The following BCAP29 variants were observed in gnomAD, a reference collection of about 807,000 sequenced individuals.
The protein encoded by BCAP29 is B-cell receptor-associated protein 29.
A neutral mutation model predicts 31.8 loss-of-function variants in BCAP29; 34 were observed. That is an observed-to-expected ratio of 1.07 (90% CI 0.81 to 1.42). BCAP29 has a LOEUF of 1.42. Ranked by LOEUF, BCAP29 falls within the 40% of genes most tolerant of loss-of-function variation. BCAP29 has a pLI of 0.00. For missense variants in BCAP29, 314 were observed against 269.2 expected, an observed-to-expected ratio of 1.17 and a Z score of -1.16; for synonymous variants, 104 against 91.3, an observed-to-expected ratio of 1.14 and a Z score of -0.79.
intron 3 of BCAP29, chr7:107,587,622 A>G (rs541080028): frequency 6.6e-6 from 1 of 152,308 alleles, no homozygotes; most frequent in East Asian, 1.9e-4. Context: ...GGAAATAGCC[A>G]TTAAGATACA....
downstream of BCAP29, chr7:107,621,492 T>C (rs566388326): frequency 2.1e-5 from 7 of 333,606 alleles, no homozygotes; most frequent in African/African-American, 1.3e-4. Context: ...CCAAAAGATA[T>C]CCCTATACCA....
At chr7:107,623,031 T>C (rs1284669047), downstream of BCAP29, 1 of 152,126 alleles carries the variant, frequency 6.6e-6, no homozygotes, top group African/African-American at 2.4e-5. Flanking sequence ...GTGGGGCCAG[T>C]TTCTTTTTTT....
chr7:107,584,169 A>C (rs1451916787), intron 3 of BCAP29, among the ~76,000 whole-genome samples, 187 bp downstream of exon 3: 2 of 152,230 alleles, frequency 1.3e-5, no homozygotes, highest in East Asian at 1.9e-4. Flanking sequence ...TTCAAGCTTA[A>C]GTTTCAACAG....
chr7:107,593,742 G>A (rs1452256928), intron 3 of BCAP29, among the ~76,000 whole-genome samples: 1 of 152,138 alleles, frequency 6.6e-6, no homozygotes, highest in African/African-American at 2.4e-5. Flanking sequence ...AAATGCTATA[G>A]TAATTCAAAA....
downstream of BCAP29, chr7:107,620,680 T>G (rs1259964649): frequency 6.6e-6 from 1 of 152,242 alleles, no homozygotes; most frequent in Non-Finnish European, 1.5e-5. Context: ...TAGCAAGTTC[T>G]GGATAAGCAC....
At chr7:107,597,078 G>A (rs10277303) in intron 5 of BCAP29, among the ~76,000 whole-genome samples, 18,113 of 152,142 alleles carry the variant, frequency 0.12, 2,807 homozygotes, top group African/African-American at 0.36. Context: ...CATAAAAGCA[G>A]CTGTCAGTGC....
chr7:107,618,118 A>G (rs1354137671), intron 7 of BCAP29, among the ~76,000 whole-genome samples: 1 of 152,196 alleles, frequency 6.6e-6, no homozygotes, highest in Admixed American at 6.5e-5. Context: ...GCAAGGGGAA[A>G]AATGAACTTA....
At chr7:107,616,721 A>G (rs1814223565) in intron 7 of BCAP29, among the ~76,000 whole-genome samples, 1 of 152,018 alleles carries the variant, frequency 6.6e-6, no homozygotes, top group South Asian at 2.1e-4. Context: ...TTTAGATATC[A>G]TTAAGAGCCC....
At position 107,608,387 on chromosome 7, in the gene BCAP29, T is replaced by C. The variant is rs182728191; in HGVS notation, c.590-4945T>C. ...TACTACTTTAGTTTATTGTTCAGGT[T>C]GTCCAGCTTTCACCATTGGGAGCTC... On this transcript the variant is annotated intron_variant, in intron 6 of 7. Transcript: ENST00000005259. Among the ~76,000 whole-genome samples the C allele has an allele frequency of 3.1e-3, 467 of 152,336 alleles. 3 individuals are homozygous for C. Among genetic ancestry groups the C allele is most frequent in the African/African-American group, 0.011 (439 of 41,564 alleles).
chr7:107,603,753 G>T (rs146138583), intron 6 of BCAP29, among the ~76,000 whole-genome samples: 1 of 151,542 alleles, frequency 6.6e-6, no homozygotes, highest in Non-Finnish European at 1.5e-5. Flanking sequence ...CTACATGTGT[G>T]CACCACCATG....
chr7:107,616,719 T>C (rs141420493), intron 7 of BCAP29, among the ~76,000 whole-genome samples: 33 of 152,170 alleles, frequency 2.2e-4, no homozygotes, highest in African/African-American at 7.9e-4. Flanking sequence ...GATTTAGATA[T>C]CATTAAGAGC....
chr7:107,595,325 T>G (rs1809618510), intron 4 of BCAP29, among the ~76,000 whole-genome samples: 1 of 152,240 alleles, frequency 6.6e-6, no homozygotes, highest in East Asian at 1.9e-4. Flanking sequence ...GCATGGACTT[T>G]GCTGTTTTCC....
chr7:107,593,412 C>T (rs1054075436), intron 3 of BCAP29, among the ~76,000 whole-genome samples: 2 of 152,224 alleles, frequency 1.3e-5, no homozygotes, highest in East Asian at 3.8e-4. Flanking sequence ...GTAGCAGCTG[C>T]TATGCACTAG....
chr7:107,588,435 T>G (rs1359287062), intron 3 of BCAP29, among the ~76,000 whole-genome samples: 1 of 152,216 alleles, frequency 6.6e-6, no homozygotes, highest in East Asian at 1.9e-4. Flanking sequence ...TAAAACAATT[T>G]TGTTAAAGAC....
intron 3 of BCAP29, among the ~76,000 whole-genome samples, chr7:107,584,368 C>T (rs1207547054): frequency 1.3e-5 from 2 of 152,168 alleles, no homozygotes; most frequent in African/African-American, 4.8e-5. Context: ...AATCATTAGG[C>T]TCTCCAAAGG....
chr7:107,602,970 T>C (rs1357423122), intron 6 of BCAP29, among the ~76,000 whole-genome samples: 1 of 133,996 alleles, frequency 7.5e-6, no homozygotes, highest in Non-Finnish European at 1.6e-5. Flanking sequence ...TATTCTTTTT[T>C]TTTTTTTTTT....
Position 107,580,870 on chromosome 7 carries a change from A to T in BCAP29, c.92+6A>T, listed in dbSNP as rs1806512652. The T allele has an allele frequency of 6.4e-7, 1 of 1,569,142 alleles. No individual in the cohort carries two copies. The highest frequency in any genetic ancestry group is 8.6e-7 in the Non-Finnish European group (1 of 1,157,998). On this transcript the variant is annotated splice_donor_region_variant and intron_variant, in intron 2 of 7. Coordinates refer to ENST00000005259, the MANE Select transcript of BCAP29 (RefSeq NM_018844.4). The stretch of plus-strand genomic sequence containing the variant: ...CCTTTTATTCCTCCTCAGAGGTAGG[A>T]AACCTTCAAATCGTTAACTAATAAA...
At chr7:107,615,448 T>C in intron 7 of BCAP29, 1 of 376,022 alleles carries the variant, frequency 2.7e-6, no homozygotes, top group South Asian at 2.0e-5. Context: ...TACAAAAAAT[T>C]AGCCGGGCAT....
intron 4 of BCAP29, 75 bp from the exon 5 acceptor site, chr7:107,595,791 TA>T: frequency 1.4e-6 from 2 of 1,472,464 alleles, no homozygotes; most frequent in Non-Finnish European, 1.8e-6. Context: ...TAATGGGGAG[TA>T]ATTTGGCAAT....
Sources: allele counts gnomAD v4.1 joint callset (sites outside exome capture counted in the v4.1 genomes callset), GRCh38; gene constraint gnomAD v4.1.1; transcripts MANE v1.5; gene names NCBI Gene and HGNC (gene_info 2026-07-23, HGNC 2026-07-21).